The following SYT16 variants were observed in gnomAD, a reference collection of about 807,000 sequenced individuals.
The protein encoded by SYT16 is synaptotagmin 16.
Under a neutral mutation model 61.4 loss-of-function variants are expected in SYT16, and 42 were observed. That is an observed-to-expected ratio of 0.68 (90% CI 0.53 to 0.89). The LOEUF (loss-of-function observed/expected upper bound fraction) is 0.89, where lower values mean the gene tolerates loss of function less well. Among genes scored for constraint, SYT16 ranks in the 40% least tolerant of loss-of-function variants. The probability of loss-of-function intolerance (pLI) is 0.00; values close to 1 mark genes in which losing one functional copy is unlikely to be tolerated. For missense variants in SYT16, 804 were observed against 807.3 expected, an observed-to-expected ratio of 1.00 and a Z score of 0.05; for synonymous variants, 314 against 302.3, an observed-to-expected ratio of 1.04 and a Z score of -0.40.
intron 3 of SYT16, among the ~76,000 whole-genome samples, chr14:62,020,269 A>G (rs1237827564): frequency 2.0e-5 from 3 of 152,198 alleles, no homozygotes; most frequent in African/African-American, 7.2e-5. Flanking sequence ...TTTCACCTCA[A>G]TAGTAAAAGT....
At chr14:61,919,462 T>C (rs1460873751) in intron 1 of SYT16, among the ~76,000 whole-genome samples, 1 of 152,240 alleles carries the variant, frequency 6.6e-6, no homozygotes, top group East Asian at 1.9e-4. Context: ...AGAATGGCAC[T>C]TATTTCTGGA....
At chr14:61,923,410 T>G (rs1486115024) in intron 1 of SYT16, among the ~76,000 whole-genome samples, 1 of 152,190 alleles carries the variant, frequency 6.6e-6, no homozygotes, top group African/African-American at 2.4e-5. Flanking sequence ...ACTTGCATTG[T>G]TCTTGGTGAT....
In SYT16 at chr14:61,848,201, G is replaced by C. The variant is rs149451542; in HGVS notation, c.-325+35391G>C. Among the ~76,000 whole-genome samples, 110 of 152,168 alleles carry C rather than the reference G, an allele frequency of 7.2e-4. 1 individual carries two copies. The highest frequency in any genetic ancestry group is 2.6e-3 in the African/African-American group (107 of 41,526). On this transcript the variant is annotated intron_variant, in intron 1 of 7. Transcript: ENST00000683842. ...GCTTTTTTGTATTCATTCTTCTTGG[G>C]AAAGCTTTCCAGGTATTTGAAGGGA...
intron 7 of SYT16, among the ~76,000 whole-genome samples, chr14:62,086,545 TCA>T (rs560013831): frequency 1.4e-3 from 210 of 152,320 alleles, no homozygotes; most frequent in African/African-American, 4.8e-3. Context: ...GTTCAGAATC[TCA>T]GTTTCCTCAT....
At chr14:61,880,695 C>T (rs2047670636) in intron 1 of SYT16, among the ~76,000 whole-genome samples, 1 of 151,768 alleles carries the variant, frequency 6.6e-6, no homozygotes, top group African/African-American at 2.4e-5. Flanking sequence ...TAATTTTTTA[C>T]TAGATATTTT....
chr14:61,894,186 A>G (rs1229292954), intron 1 of SYT16, among the ~76,000 whole-genome samples: 4 of 152,014 alleles, frequency 2.6e-5, no homozygotes, highest in African/African-American at 7.2e-5. Context: ...TCAGGAGGCC[A>G]TGGAAGGAGA....
chr14:62,022,900 C>T (rs1176111350), intron 3 of SYT16, among the ~76,000 whole-genome samples: 2 of 152,002 alleles, frequency 1.3e-5, no homozygotes, highest in African/African-American at 4.8e-5. Context: ...CCATTTGAGT[C>T]CCCTTATAAA....
chr14:61,981,515 C>G (rs751552079), intron 2 of SYT16, among the ~76,000 whole-genome samples: 6 of 152,190 alleles, frequency 3.9e-5, no homozygotes, highest in Non-Finnish European at 8.8e-5. Flanking sequence ...ATCTATCACA[C>G]AGCTTCAACA....
intron 1 of SYT16, chr14:61,864,757 G>A (rs117242538): frequency 7.3e-6 from 7 of 960,630 alleles, no homozygotes; most frequent in East Asian, 2.4e-5. Context: ...GGTTAATGAC[G>A]CATGTGGCTG....
At chr14:62,083,821 A>C (rs1177735020) in intron 6 of SYT16, among the ~76,000 whole-genome samples, 1 of 152,092 alleles carries the variant, frequency 6.6e-6, no homozygotes, top group East Asian at 1.9e-4. Flanking sequence ...CCTGGAGTGG[A>C]GGGGTTCCTT....
intron 3 of SYT16, among the ~76,000 whole-genome samples, chr14:62,025,888 AAAC>A (rs1406867782): frequency 6.6e-6 from 1 of 151,758 alleles, no homozygotes; most frequent in African/African-American, 2.4e-5. Context: ...GTTAAAAAAA[AAAC>A]AATAAAATAT....
chr14:62,076,908 T>C (rs2056516961), intron 5 of SYT16, among the ~76,000 whole-genome samples: 1 of 152,198 alleles, frequency 6.6e-6, no homozygotes, highest in Admixed American at 6.5e-5. Flanking sequence ...AGACTCGGTA[T>C]TGAGGGTACT....
chr14:62,099,523 G>T (rs1425697462), intron 7 of SYT16, among the ~76,000 whole-genome samples: 1 of 152,092 alleles, frequency 6.6e-6, no homozygotes, highest in Non-Finnish European at 1.5e-5. Context: ...TTAGAGTTGG[G>T]GGCATATTGA....
At chr14:61,933,988 T>G (rs1225624485) in intron 1 of SYT16, among the ~76,000 whole-genome samples, 1 of 152,178 alleles carries the variant, frequency 6.6e-6, no homozygotes, top group Non-Finnish European at 1.5e-5. Flanking sequence ...TGTGTATATA[T>G]GTATGTATAC....
At chr14:61,987,382 G>T (rs967628634) in intron 2 of SYT16, among the ~76,000 whole-genome samples, 1 of 152,186 alleles carries the variant, frequency 6.6e-6, no homozygotes, top group Non-Finnish European at 1.5e-5. Context: ...AACACTGAAT[G>T]ACGTGATCAA....
chr14:61,829,475 A>G (rs1390829221), intron 1 of SYT16, among the ~76,000 whole-genome samples: 1 of 151,564 alleles, frequency 6.6e-6, no homozygotes, highest in African/African-American at 2.4e-5. Flanking sequence ...TATTTTTATT[A>G]TTTCTTGAAA....
Position 61,815,778 on chromosome 14 carries a change from T to C in SYT16, c.-325+2968T>C, listed in dbSNP as rs115590441. Among the ~76,000 whole-genome samples the C allele has an allele frequency of 6.4e-3, 973 of 152,358 alleles. 5 individuals carry two copies. The highest frequency in any genetic ancestry group is 0.022 in the African/African-American group (932 of 41,582). ...GGTACTTGGGTACTGAACTATTTCA[T>C]GATTTCCTCAGTGACAAGTATTCCA... On this transcript the variant is annotated intron_variant, in intron 1 of 7. Transcript: ENST00000683842.
chr14:61,971,740 CAG>C (rs1248650442), intron 2 of SYT16, among the ~76,000 whole-genome samples: 1 of 152,212 alleles, frequency 6.6e-6, no homozygotes, highest in East Asian at 1.9e-4. Context: ...GTGTAAATTG[CAG>C]ATTTGACAAT....
intron 1 of SYT16, among the ~76,000 whole-genome samples, chr14:61,967,937 T>A (rs1372110276): frequency 6.6e-6 from 1 of 151,986 alleles, no homozygotes. Context: ...GGAATCTAGG[T>A]ATAGAGTACC....
Sources: allele counts gnomAD v4.1 joint callset (sites outside exome capture counted in the v4.1 genomes callset), GRCh38; gene constraint gnomAD v4.1.1; transcripts MANE v1.5; gene names NCBI Gene and HGNC (gene_info 2026-07-23, HGNC 2026-07-21).